TRPM1: variants seen among roughly 807,000 people sequenced by gnomAD.
TRPM1 encodes TRPM1-203 APA Isoform, Intron 10.
Under a neutral mutation model 149.4 loss-of-function variants are expected in TRPM1, and 113 were observed. That is an observed-to-expected ratio of 0.76 (90% CI 0.65 to 0.88). TRPM1 has a LOEUF of 0.88. TRPM1 is among the 40% of genes least tolerant of loss of function. The pLI is 0.00. For synonymous variants in TRPM1, 741 were observed against 759.5 expected (o/e 0.98, Z 0.40); for missense variants, 1,976 against 2,038.7 (o/e 0.97, Z 0.59).
chr15:31,013,612 T>C lies in TRPM1; in HGVS notation c.3630-10542A>G, dbSNP rs2032260527. ...GTTTCTTATTTCTTTGCATGTTTTG[T>C]CATTTTTATTTAAAAGTGGACATGT... On this transcript the variant is annotated intron_variant, in intron 27 of 27. Transcript: ENST00000256552. 1.3e-5 allele frequency among the ~76,000 whole-genome samples: 2 copies of C among 152,208 alleles called. 1 individual carries two copies. The highest frequency in any genetic ancestry group is 4.1e-4 in the South Asian group (2 of 4,834).
intron 25 of TRPM1, 60 bp downstream of exon 25, chr15:31,028,271 TA>T (rs763606696): frequency 3.7e-6 from 6 of 1,607,874 alleles, no homozygotes; most frequent in Non-Finnish European, 5.1e-6. Flanking sequence ...GTTCTGAGAT[TA>T]AATGGAAAAT....
intron 1 of TRPM1, among the ~76,000 whole-genome samples, chr15:31,097,440 T>C (rs2035414920): frequency 6.6e-6 from 1 of 152,208 alleles, no homozygotes; most frequent in South Asian, 2.1e-4. Context: ...TGCATGCCTG[T>C]CTTTGACCCA....
chr15:31,158,173 C>T (rs1283915724), intron 1 of TRPM1, among the ~76,000 whole-genome samples: 1 of 152,100 alleles, frequency 6.6e-6, no homozygotes, highest in Non-Finnish European at 1.5e-5. Flanking sequence ...CAAACTGTGC[C>T]ATCAAGGTTC....
intron 9 of TRPM1, among the ~76,000 whole-genome samples, chr15:31,062,083 C>T (rs2034248896): frequency 6.6e-6 from 1 of 152,142 alleles, no homozygotes; most frequent in South Asian, 2.1e-4. Context: ...GAGGAGGGAG[C>T]TACACTCCGA....
intron 27 of TRPM1, among the ~76,000 whole-genome samples, chr15:31,011,070 A>G (rs889723774): frequency 1.3e-5 from 2 of 152,106 alleles, no homozygotes; most frequent in African/African-American, 4.8e-5. Context: ...CTTAGAGTCT[A>G]TTTTACCTGA....
At chr15:31,010,195 T>C (rs2032133102) in intron 27 of TRPM1, among the ~76,000 whole-genome samples, 1 of 152,238 alleles carries the variant, frequency 6.6e-6, no homozygotes, top group African/African-American at 2.4e-5. Flanking sequence ...TAGCAGGTGA[T>C]CAACCTGGTT....
chr15:31,066,080 G>C lies in TRPM1; in HGVS notation c.786C>G (p.Asn262Lys). The C allele has an allele frequency of 6.2e-7, 1 of 1,614,032 alleles. No individual in the cohort carries two copies. Among genetic ancestry groups the C allele is most frequent in the African/African-American group, 1.3e-5 (1 of 75,066 alleles). ...LEKHISLQKI[N>K]TRLGQGVPLV... ...CGTGCCTTTGCCAGCACTTACTTGT[G>C]TTGATCTTCTGCAGGGAGATGTGCT... Residue 262 changes from asparagine (N) to lysine (K), a missense_variant, in exon 7 of 28, where the codon AAC (asparagine) becomes AAG (lysine). Around this residue, in one of 3 missense-constraint regions of TRPM1, gnomAD observed 1,332 missense variants for 1,347.1 expected, o/e 0.99. Transcript: ENST00000256552.
intron 3 of TRPM1, among the ~76,000 whole-genome samples, chr15:31,074,260 G>C (rs975256936): frequency 1.3e-5 from 2 of 152,134 alleles, no homozygotes; most frequent in Admixed American, 1.3e-4. Context: ...TGAAGAGTTT[G>C]TGAAGAATTG....
At chr15:31,057,386 A>G (rs2034113175) in intron 11 of TRPM1, among the ~76,000 whole-genome samples, 1 of 152,040 alleles carries the variant, frequency 6.6e-6, no homozygotes, top group Admixed American at 6.6e-5. Context: ...GGCCTTTTGG[A>G]GGGAGGAGAG....
chr15:31,046,455 C>T (rs890388407), intron 15 of TRPM1, among the ~76,000 whole-genome samples: 1 of 152,130 alleles, frequency 6.6e-6, no homozygotes, highest in Non-Finnish European at 1.5e-5. Context: ...GACGCGTGGC[C>T]CTTATTCCAG....
Position 31,035,891 on chromosome 15 carries a change from T to C in TRPM1, c.2572-217A>G, listed in dbSNP as rs1410740274. The stretch of plus-strand genomic sequence containing the variant: ...TTATACTTCAGCACGATATGGGCCC[T>C]GACTTTTCATTTTCTACATGGAGAC... On this transcript the variant is annotated intron_variant, in intron 20 of 27. Coordinates refer to ENST00000256552, the MANE Select transcript of TRPM1 (RefSeq NM_001252024.2). 9.8e-6 allele frequency: 6 copies of C among 611,872 alleles called. No individual in the cohort carries two copies. In the African/African-American group the frequency reaches 1.1e-4, roughly 11 times the overall value. The allele number at this position is 611,872 out of a possible 1,614,324, so 37.9% of individuals were successfully genotyped here.
At chr15:31,137,393 G>A (rs2049739880) in intron 1 of TRPM1, among the ~76,000 whole-genome samples, 1 of 152,176 alleles carries the variant, frequency 6.6e-6, no homozygotes, top group Non-Finnish European at 1.5e-5. Context: ...GGCCCCAGAA[G>A]CTGCAGATAT....
At chr15:31,121,805 C>A (rs2035884686) in intron 1 of TRPM1, among the ~76,000 whole-genome samples, 1 of 152,058 alleles carries the variant, frequency 6.6e-6, no homozygotes, top group Non-Finnish European at 1.5e-5. Context: ...AGGAATAGTT[C>A]CTAACATTAT....
At chr15:31,049,262 G>C in intron 13 of TRPM1, 113 bp downstream of exon 13, 1 of 1,504,368 alleles carries the variant, frequency 6.6e-7, no homozygotes, top group South Asian at 1.1e-5. Flanking sequence ...CATTAAGTAC[G>C]GACCTCCCAG....
At position 31,042,192 on chromosome 15, in the gene TRPM1, C is replaced by A; in HGVS notation, c.1846G>T (p.Glu616Ter). ...TCGTCCACATCAATGTCGATCTCTT[C>A]CTCCTTTTTCTTCTTTTTCTTTTTC... The part of the protein sequence containing the change: ...GKKKKKKKKE[E>*]EIDIDVDDPA... The change falls in exon 17 of 28, where the codon GAA becomes TAA. Residue 616 changes from glutamate to a stop codon, truncating the protein, a stop_gained. Transcript: ENST00000256552. LOFTEE classifies it high-confidence loss of function. 6.2e-7 allele frequency: 1 copy of A among 1,612,620 alleles called. No homozygotes were observed. The highest frequency in any genetic ancestry group is 2.2e-5 in the East Asian group (1 of 44,820).
intron 21 of TRPM1, chr15:31,033,158 A>G: frequency 1.6e-6 from 1 of 633,604 alleles, no homozygotes; most frequent in Non-Finnish European, 2.7e-6. Flanking sequence ...TTACAAACTC[A>G]GGAAATGCCT....
At chr15:31,034,001 T>C (rs557271943) in intron 21 of TRPM1, among the ~76,000 whole-genome samples, 1 of 152,292 alleles carries the variant, frequency 6.6e-6, no homozygotes, top group African/African-American at 2.4e-5. Context: ...GTTAATAATG[T>C]TTTTCAGTTC....
chr15:31,040,282 T>C lies in TRPM1; in HGVS notation c.2152A>G (p.Met718Val), dbSNP rs373697869. The change falls in exon 18 of 28, where the codon ATG (methionine) becomes GTG (valine). Residue 718 changes from methionine to valine, a missense_variant. Physicochemically the swap from Met to Val is conservative, Grantham distance 21. Coordinates refer to ENST00000256552, the MANE Select transcript of TRPM1 (RefSeq NM_001252024.2). This position sits in a 1 kb window ranked among gnomAD's most constrained non-coding sequence, Gnocchi z 4.2. ...QSYKHDEQIA[M>V]KLLTYELKNW... is the part of the protein sequence containing the mutation. ...TTCAGCTCGTAGGTCAGGAGTTTCA[T>C]AGCGATCTGCTCGTCATGCTTATAG... The C allele has an allele frequency of 3.1e-6, 5 of 1,614,012 alleles. No homozygotes were observed. The highest frequency in any genetic ancestry group is 1.3e-5 in the African/African-American group (1 of 74,918).
At chr15:31,086,335 G>A (rs1486135855) in intron 1 of TRPM1, among the ~76,000 whole-genome samples, 2 of 152,236 alleles carry the variant, frequency 1.3e-5, no homozygotes, top group Non-Finnish European at 2.9e-5. Flanking sequence ...GATGCCTGGA[G>A]CACCTGCTGG....
Sources: allele counts gnomAD v4.1 joint callset (sites outside exome capture counted in the v4.1 genomes callset), GRCh38; gene constraint gnomAD v4.1.1; regional missense constraint gnomAD v4.1.1; non-coding constraint Gnocchi (gnomAD v3.1); transcripts MANE v1.5; gene names NCBI Gene and HGNC (gene_info 2026-07-23, HGNC 2026-07-21).